Variants in EPB41L4A observed in about 807,000 individuals in gnomAD.
The protein encoded by EPB41L4A is erythrocyte membrane protein band 4.1 like 4A.
EPB41L4A carries 100 observed loss-of-function variants against 108.6 expected under a neutral mutation model. The observed-to-expected ratio is 0.92, with a 90% CI of 0.78 to 1.09. The LOEUF is 1.09. Ranked by LOEUF, EPB41L4A falls within the 50% of genes least tolerant of loss-of-function variation. The pLI, the probability that EPB41L4A is intolerant of heterozygous loss-of-function variation, is 0.00. For synonymous variants in EPB41L4A, 319 were observed against 289.0 expected (o/e 1.10, Z -1.05); for missense variants, 1,030 against 842.7 (o/e 1.22, Z -2.75).
intron 11 of EPB41L4A, 72 bp from the exon 12 acceptor site, chr5:112,234,827 G>C (rs1749214241): frequency 2.7e-6 from 4 of 1,495,668 alleles, no homozygotes; most frequent in Non-Finnish European, 3.6e-6. Flanking sequence ...AGGTCATTCA[G>C]AACATCTGCC....
Position 112,351,720 on chromosome 5 carries a change from A to G in EPB41L4A, c.100-44230T>C, listed in dbSNP as rs146150359. ...GAAAAACTGTAGGCCTATATCCCTG[A>G]TGAACATAGGTGTGAAAATCCCGAA... is the stretch of plus-strand genomic sequence containing the variant. On this transcript the variant is annotated intron_variant, in intron 1 of 22. Transcript: ENST00000261486. 9.1e-4 allele frequency among the ~76,000 whole-genome samples: 138 copies of G among 152,308 alleles called. 1 individual carries two copies. The highest frequency in any genetic ancestry group is 1.8e-3 in the Non-Finnish European group (122 of 68,024).
At chr5:112,148,152 T>C (rs1489904522) in intron 12 of EPB41L4A, among the ~76,000 whole-genome samples, 1 of 148,184 alleles carries the variant, frequency 6.7e-6, no homozygotes, top group Admixed American at 6.8e-5. Context: ...TATAATATAA[T>C]AATATAATAG....
intron 1 of EPB41L4A, among the ~76,000 whole-genome samples, chr5:112,364,461 T>C (rs765136204): frequency 1.3e-5 from 2 of 152,214 alleles, no homozygotes; most frequent in African/African-American, 4.8e-5. Flanking sequence ...CCAGTAATAC[T>C]GGTATTACTG....
rs1007824832 is a variant in EPB41L4A at position 112,418,932 on chromosome 5, C to T, written c.99+9G>A. 6.8e-6 allele frequency: 11 copies of T among 1,610,176 alleles called. No individual in the cohort carries two copies. The African/African-American group carries it at 1.1e-4, about 16-fold the overall frequency. ...CCAACCCCCGGAACGCGCTCCGGGC[C>T]GCACCCACCTTGATGCCCTGCTGCT... On this transcript the variant is annotated intron_variant, in intron 1 of 22. Coordinates refer to ENST00000261486, the MANE Select transcript of EPB41L4A (RefSeq NM_022140.5).
chr5:112,205,476 G>T lies in EPB41L4A; in HGVS notation c.1207C>A (p.Pro403Thr), dbSNP rs1346574638. The change falls in exon 14 of 23, where the codon CCT becomes ACT. Residue 403 changes from proline (P) to threonine (T), a missense_variant. Pro to Thr is a conservative substitution (Grantham distance 38, BLOSUM62 -1). Transcript: ENST00000261486. ...SFKKAKNENS[P>T]DTQRSKSHAP... ...TGAGATTTGCTTCTTTGGGTATCAG[G>T]GCTATTTTCATTCTTTGCTTTCTTA... 6.2e-7 allele frequency: 1 copy of T among 1,611,998 alleles called. No individual in the cohort carries two copies. Among genetic ancestry groups the T allele is most frequent in the East Asian group, 2.2e-5 (1 of 44,834 alleles).
rs1762062831 is a variant in EPB41L4A, at chr5:112,406,226, T to G, written c.99+12715A>C. Reference sequence around the variant, plus strand: ...AAAGATCTATTAGCCTCCTAATGATTGGTCCATCTGAAACCTTTCAACGAA... The same window carrying G: ...AAAGATCTATTAGCCTCCTAATGATGGGTCCATCTGAAACCTTTCAACGAA... On this transcript the variant is annotated intron_variant, in intron 1 of 22. Coordinates refer to ENST00000261486, the MANE Select transcript of EPB41L4A (RefSeq NM_022140.5). Among the ~76,000 whole-genome samples the G allele has an allele frequency of 2.0e-5, 3 of 152,200 alleles. No homozygotes were observed. The South Asian group carries it at 6.2e-4, about 31-fold the overall frequency.
chr5:112,178,303 T>C (rs980375057), intron 18 of EPB41L4A, among the ~76,000 whole-genome samples: 2 of 152,090 alleles, frequency 1.3e-5, no homozygotes, highest in East Asian at 1.9e-4. Flanking sequence ...TCAAAATAAC[T>C]TGAAGTAAAA....
chr5:112,378,982 T>C (rs73214236), intron 1 of EPB41L4A, among the ~76,000 whole-genome samples: 2,296 of 152,256 alleles, frequency 0.015, 66 homozygotes, highest in African/African-American at 0.053. Context: ...TCCTGTGAAT[T>C]AGTTATATGC....
chr5:112,168,741 GATGAACTGTAGC>G lies in EPB41L4A; in HGVS notation c.1918_1929del (p.Ala640_His643del). On this transcript the variant is annotated inframe_deletion, in exon 22 of 23. Transcript: ENST00000261486. ...CTTCAAACCTTACTATTACTAACCT[GATGAACTGTAGC>G]ATCCCCAGAACCCTGAGCATCCGAA... 1 of 1,611,578 alleles carries G rather than the reference GATGAACTGTAGC, an allele frequency of 6.2e-7. No individual in the cohort carries two copies. Among genetic ancestry groups the G allele is most frequent in the Non-Finnish European group, 8.5e-7 (1 of 1,177,750 alleles).
chr5:112,403,680 C>A (rs1327154471), intron 1 of EPB41L4A, among the ~76,000 whole-genome samples: 2 of 152,132 alleles, frequency 1.3e-5, no homozygotes, highest in African/African-American at 4.8e-5. Flanking sequence ...GTTGTCCAAC[C>A]TGGTCTCAAA....
chr5:112,167,921 G>T (rs10070995), intron 22 of EPB41L4A, among the ~76,000 whole-genome samples: 28 of 152,226 alleles, frequency 1.8e-4, no homozygotes, highest in African/African-American at 6.0e-4. Flanking sequence ...CATGTGCTTA[G>T]ATGCATTTTT....
intron 12 of EPB41L4A, among the ~76,000 whole-genome samples, chr5:112,154,928 C>G (rs1701493535): frequency 6.6e-6 from 1 of 152,142 alleles, no homozygotes; most frequent in South Asian, 2.1e-4. Context: ...TAAGGAACAA[C>G]TTCCTAACAA....
rs1754126870 is a variant in EPB41L4A at position 112,298,134 on chromosome 5, T to A, written c.204+9252A>T. On this transcript the variant is annotated intron_variant, in intron 2 of 22. Coordinates refer to ENST00000261486, the MANE Select transcript of EPB41L4A (RefSeq NM_022140.5). ...GGCTCTTTTTTGGTTCCATATGAACTGTAGGATTGTTTTTTCTAGTTCTGT... is the reference window on the plus strand; with the variant it reads ...GGCTCTTTTTTGGTTCCATATGAACAGTAGGATTGTTTTTTCTAGTTCTGT... Among the ~76,000 whole-genome samples the A allele has an allele frequency of 2.0e-5, 3 of 152,208 alleles. No individual in the cohort carries two copies. In the South Asian group the frequency reaches 6.2e-4, roughly 31 times the overall value.
chr5:112,162,784 G>A lies in EPB41L4A; in HGVS notation c.*2206C>T, dbSNP rs985452758. ...TGAGTTCCGTGATAGGATTTTCTTAGGGAAACCTGAGAAAGAGTTGAGACT... is the reference window on the plus strand; with the variant it reads ...TGAGTTCCGTGATAGGATTTTCTTAAGGAAACCTGAGAAAGAGTTGAGACT... On this transcript the variant is annotated 3_prime_UTR_variant, in exon 23 of 23. Coordinates refer to ENST00000261486, the MANE Select transcript of EPB41L4A (RefSeq NM_022140.5). 6.6e-6 allele frequency: 1 copy of A among 152,182 alleles called. No individual in the cohort carries two copies. The highest frequency in any genetic ancestry group is 1.5e-5 in the Non-Finnish European group (1 of 68,042). 9.4% of individuals were successfully genotyped at this position (152,182 alleles called of 1,614,324 possible).
intron 13 of EPB41L4A, among the ~76,000 whole-genome samples, chr5:112,209,004 G>A (rs567225559): frequency 2.0e-5 from 3 of 152,310 alleles, no homozygotes; most frequent in East Asian, 3.9e-4. Context: ...AAATCCCTGC[G>A]TAAAATATTA....
intron 18 of EPB41L4A, among the ~76,000 whole-genome samples, chr5:112,178,477 A>T (rs1054685646): frequency 6.6e-6 from 1 of 152,048 alleles, no homozygotes; most frequent in Non-Finnish European, 1.5e-5. Flanking sequence ...AGTAACTGAG[A>T]CTCCTCATTC....
intron 1 of EPB41L4A, among the ~76,000 whole-genome samples, chr5:112,361,991 AT>A (rs1758797747): frequency 2.0e-5 from 3 of 152,234 alleles, no homozygotes; most frequent in Non-Finnish European, 4.4e-5. Context: ...CAAGCCATTG[AT>A]ATAAGCTATT....
At position 112,162,713 on chromosome 5, in the gene EPB41L4A, A is replaced by G. The variant is rs544097675; in HGVS notation, c.*2277T>C. On this transcript the variant is annotated 3_prime_UTR_variant, in exon 23 of 23. Coordinates refer to ENST00000261486, the MANE Select transcript of EPB41L4A (RefSeq NM_022140.5). ...ACAGTTCTTCCCTTTGGAAACATAG[A>G]TAAGTGGAGGGAATGTCATCACAAA... is the stretch of plus-strand genomic sequence containing the variant. The G allele has an allele frequency of 2.0e-5, 3 of 152,348 alleles. No homozygotes were observed. Among genetic ancestry groups the G allele is most frequent in the African/African-American group, 4.8e-5 (2 of 41,564 alleles). 9.4% of individuals were successfully genotyped at this position (152,348 alleles called of 1,614,324 possible).
chr5:112,165,256 T>C (rs2150188586), intron 22 of EPB41L4A, 138 bp from the exon 23 acceptor site: 1 of 647,532 alleles, frequency 1.5e-6, no homozygotes, highest in Non-Finnish European at 2.6e-6. Flanking sequence ...CAAAAGCTAT[T>C]CAATAAATGT....
Sources: gnomAD v4.1 joint callset for allele counts (sites outside exome capture counted in the v4.1 genomes callset) on GRCh38, gnomAD v4.1.1 for gene constraint, MANE v1.5 for transcripts, NCBI Gene and HGNC (gene_info 2026-07-23, HGNC 2026-07-21) for gene names.